DLC1: variants seen among roughly 807,000 people sequenced by gnomAD.
DLC1 encodes rho GTPase-activating protein 7.
Under a neutral mutation model 140.3 loss-of-function variants are expected in DLC1, and 54 were observed. The observed-to-expected ratio is 0.38, with a 90% confidence interval of 0.31 to 0.48. The LOEUF (loss-of-function observed/expected upper bound fraction) is 0.48, where lower values mean the gene tolerates loss of function less well. DLC1 is among the 20% of genes least tolerant of loss of function. The pLI is 0.96. For synonymous variants in DLC1, 986 were observed against 728.1 expected, an observed-to-expected ratio of 1.35 and a Z score of -5.70; for missense variants, 2,536 against 1,907.0, an observed-to-expected ratio of 1.33 and a Z score of -6.14.
chr8:13,397,340 A>G (rs967810991), intron 3 of DLC1, among the ~76,000 whole-genome samples: 4 of 152,170 alleles, frequency 2.6e-5, no homozygotes, highest in African/African-American at 7.2e-5. Context: ...GAGCCACTGA[A>G]GGGTCTGGAA....
chr8:13,109,829 G>C (rs1819922935), intron 7 of DLC1, among the ~76,000 whole-genome samples: 1 of 151,878 alleles, frequency 6.6e-6, no homozygotes, highest in Admixed American at 6.6e-5. Context: ...AGGTTGCAGT[G>C]AGCCGAGACC....
In DLC1 at chr8:13,172,023, C is replaced by A. The variant is rs796497600; in HGVS notation, c.1349-56366G>T. Among the ~76,000 whole-genome samples the A allele has an allele frequency of 3.3e-5, 5 of 152,312 alleles. 1 individual carries two copies. The highest frequency in any genetic ancestry group is 1.2e-4 in the African/African-American group (5 of 41,576). On this transcript the variant is annotated intron_variant, in intron 5 of 17. Transcript: ENST00000276297. The stretch of plus-strand genomic sequence containing the variant: ...AGATCAGTACATCTACACGCCATCA[C>A]TACCATTAAAAAGTCGATCATTATA...
intron 7 of DLC1, among the ~76,000 whole-genome samples, chr8:13,106,370 C>A (rs1011622209): frequency 6.6e-6 from 1 of 152,128 alleles, no homozygotes; most frequent in Admixed American, 6.5e-5. Context: ...CTTTTCTTTT[C>A]TTTTTGAGAC....
intron 2 of DLC1, among the ~76,000 whole-genome samples, chr8:13,476,407 A>T (rs1800436492): frequency 6.6e-6 from 1 of 152,124 alleles, no homozygotes; most frequent in Admixed American, 6.6e-5. Flanking sequence ...TGCCCTTAAG[A>T]AGTTTAAAGT....
intron 5 of DLC1, among the ~76,000 whole-genome samples, chr8:13,298,300 C>G (rs912828610): frequency 6.6e-6 from 1 of 152,176 alleles, no homozygotes; most frequent in Non-Finnish European, 1.5e-5. Context: ...CCCCTTTACA[C>G]GTTTCTGTGG....
chr8:13,269,108 C>T (rs1023082558), intron 5 of DLC1, among the ~76,000 whole-genome samples: 1 of 151,802 alleles, frequency 6.6e-6, no homozygotes, highest in Admixed American at 6.6e-5. Context: ...CTCCTGACCT[C>T]GTGATCTGCC....
chr8:13,100,243 G>C lies in DLC1; in HGVS notation c.2094C>G (p.Ile698Met). The C allele has an allele frequency of 6.2e-7, 1 of 1,614,174 alleles. No homozygotes were observed. Among genetic ancestry groups the C allele is most frequent in the Non-Finnish European group, 8.5e-7 (1 of 1,180,046 alleles). ...TCTCCTCATCCATCCCCTCTTGCAAGATGGGCCCGCTGATGATCAACCCCA... is the reference window on the plus strand; with the variant it reads ...TCTCCTCATCCATCCCCTCTTGCAACATGGGCCCGCTGATGATCAACCCCA... ...SKLGLIISGP[I>M]LQEGMDEEKL... Residue 698 changes from isoleucine to methionine, a missense_variant, in exon 9 of 18, where the codon ATC (isoleucine) becomes ATG (methionine). Ile to Met is a conservative substitution (Grantham distance 10). Coordinates refer to ENST00000276297, the MANE Select transcript of DLC1 (RefSeq NM_182643.3).
At chr8:13,198,595 C>T (rs527844984) in intron 5 of DLC1, among the ~76,000 whole-genome samples, 1 of 152,158 alleles carries the variant, frequency 6.6e-6, no homozygotes, top group African/African-American at 2.4e-5. Flanking sequence ...TTTGAGATTT[C>T]TAGGTTTATC....
At chr8:13,573,328 C>G (rs949740870) in intron 1 of DLC1, among the ~76,000 whole-genome samples, 2 of 152,160 alleles carry the variant, frequency 1.3e-5, no homozygotes, top group African/African-American at 4.8e-5. Flanking sequence ...TGCAACTTTG[C>G]TGAACTCATT....
At chr8:13,405,604 A>G (rs1266644217) in intron 2 of DLC1, among the ~76,000 whole-genome samples, 1 of 152,164 alleles carries the variant, frequency 6.6e-6, no homozygotes, top group Non-Finnish European at 1.5e-5. Context: ...TTCGAGTTCT[A>G]CATGTTGGTT....
chr8:13,332,781 T>A (rs545785472), intron 4 of DLC1, among the ~76,000 whole-genome samples: 80 of 152,296 alleles, frequency 5.3e-4, no homozygotes, highest in Admixed American at 1.1e-3. Context: ...AGTTACTTGA[T>A]TAACCCATTA....
intron 10 of DLC1, chr8:13,095,628 G>T: frequency 5.2e-6 from 1 of 192,398 alleles, no homozygotes; most frequent in South Asian, 1.3e-4. Context: ...GGAAGCTGAT[G>T]GATTTCCTTA....
intron 1 of DLC1, among the ~76,000 whole-genome samples, chr8:13,548,170 T>C (rs755098864): frequency 2.0e-4 from 31 of 152,178 alleles, no homozygotes; most frequent in South Asian, 6.2e-4. Context: ...ATAGTAAAAG[T>C]TCAATATCTT....
chr8:13,120,356 A>AAAAAAAAAAAAAATATATATATAT lies in DLC1; in HGVS notation c.1349-4700_1349-4699insATATATATATATTTTTTTTTTTTT. On this transcript the variant is annotated intron_variant, in intron 5 of 17. Transcript: ENST00000276297. Reference sequence around the variant, plus strand: ...AGACTCCGTCGCAAAAAAAAAAAAAAATATATATATATATAAAATGTATAT... The same window carrying AAAAAAAAAAAAAATATATATATAT: ...AGACTCCGTCGCAAAAAAAAAAAAAAAAAAAAAAAAAAATATATATATATATATATATATATATAAAATGTATAT... Among the ~76,000 whole-genome samples the AAAAAAAAAAAAAATATATATATAT allele has an allele frequency of 2.9e-4, 18 of 61,122 alleles. 1 individual carries two copies. The highest frequency in any genetic ancestry group is 6.6e-4 in the African/African-American group (16 of 24,064). The allele number at this position is 61,122 out of a possible 152,430, so 40.1% of individuals were successfully genotyped here.
At chr8:13,376,464 A>AC (rs1835993426) in intron 4 of DLC1, among the ~76,000 whole-genome samples, 1 of 151,914 alleles carries the variant, frequency 6.6e-6, no homozygotes, top group Non-Finnish European at 1.5e-5. Context: ...GAGGTGTAGA[A>AC]CCCCCTCCTC....
chr8:13,419,849 C>G (rs1275938534), intron 2 of DLC1, among the ~76,000 whole-genome samples: 1 of 152,014 alleles, frequency 6.6e-6, no homozygotes, highest in Admixed American at 6.6e-5. Context: ...GTCCTGGACT[C>G]CTTTTGGTTG....
chr8:13,580,713 TTA>T (rs1805064759), intron 1 of DLC1, among the ~76,000 whole-genome samples: 2 of 152,216 alleles, frequency 1.3e-5, no homozygotes, highest in Non-Finnish European at 2.9e-5. Context: ...TTTCAAACTT[TTA>T]AGATCCTATT....
chr8:13,163,937 C>G (rs894559332), intron 5 of DLC1, among the ~76,000 whole-genome samples: 1 of 152,068 alleles, frequency 6.6e-6, no homozygotes, highest in African/African-American at 2.4e-5. Flanking sequence ...CCCAGGGATT[C>G]AAGGCTTCAG....
intron 5 of DLC1, among the ~76,000 whole-genome samples, chr8:13,180,999 T>G (rs563177418): frequency 6.6e-6 from 1 of 152,150 alleles, no homozygotes; most frequent in Non-Finnish European, 1.5e-5. Flanking sequence ...GTTGAAGATA[T>G]CTATTTTGAA....
Sources: allele counts gnomAD v4.1 joint callset (sites outside exome capture counted in the v4.1 genomes callset), GRCh38; gene constraint gnomAD v4.1.1; transcripts MANE v1.5; gene names NCBI Gene and HGNC (gene_info 2026-07-23, HGNC 2026-07-21).